The following ESRRG variants were observed in gnomAD, a reference collection of about 807,000 sequenced individuals.
ESRRG encodes the protein estrogen related receptor gamma.
Under a neutral mutation model 44.0 loss-of-function variants are expected in ESRRG, and 13 were observed. That is an observed-to-expected ratio of 0.30 (90% CI 0.19 to 0.47). ESRRG has a LOEUF of 0.47. Ranked by LOEUF, ESRRG falls within the 20% of genes least tolerant of loss-of-function variation. The pLI is 1.00. For synonymous variants in ESRRG, 215 were observed against 214.6 expected (o/e 1.00, Z -0.02); for missense variants, 395 against 580.6 (o/e 0.68, Z 3.29).
intron 1 of ESRRG, among the ~76,000 whole-genome samples, chr1:217,056,764 C>T (rs2087183674): frequency 1.3e-5 from 2 of 151,024 alleles, no homozygotes; most frequent in Admixed American, 1.3e-4. Context: ...TAAAACTAAA[C>T]TAGGAGACAA....
chr1:217,021,722 T>TTA (rs2150926781), intron 1 of ESRRG, among the ~76,000 whole-genome samples: 1 of 152,286 alleles, frequency 6.6e-6, no homozygotes, highest in South Asian at 2.1e-4. Context: ...TTGAGAACTG[T>TTA]TATATATAGT....
At chr1:216,828,364 G>C (rs2095431944) in intron 2 of ESRRG, among the ~76,000 whole-genome samples, 1 of 152,130 alleles carries the variant, frequency 6.6e-6, no homozygotes, top group Admixed American at 6.5e-5. Context: ...TGTTCGTTTG[G>C]TTGGTTAGTT....
intron 4 of ESRRG, among the ~76,000 whole-genome samples, chr1:216,566,414 TCACTGAAATTG>T (rs1263369411): frequency 6.6e-6 from 1 of 152,136 alleles, no homozygotes; most frequent in Non-Finnish European, 1.5e-5. Flanking sequence ...CAAATGGAGC[TCACTGAAATTG>T]CTGTAATCTT....
intron 1 of ESRRG, among the ~76,000 whole-genome samples, chr1:216,689,158 G>C (rs1026786901): frequency 6.6e-6 from 1 of 152,106 alleles, no homozygotes; most frequent in Non-Finnish European, 1.5e-5. Context: ...TAAAGATTTA[G>C]TGTTAAATGT....
At chr1:216,765,042 TC>T (rs2093005985) in intron 2 of ESRRG, among the ~76,000 whole-genome samples, 1 of 152,034 alleles carries the variant, frequency 6.6e-6, no homozygotes, top group Admixed American at 6.6e-5. Flanking sequence ...AGTATAAATA[TC>T]TTGTTCTTAC....
intron 1 of ESRRG, among the ~76,000 whole-genome samples, chr1:216,944,683 A>G (rs941432845): frequency 1.3e-5 from 2 of 152,226 alleles, no homozygotes; most frequent in Non-Finnish European, 2.9e-5. Flanking sequence ...TTACAAAGTC[A>G]TGACTAGAAG....
chr1:216,811,418 C>T (rs1307698955), intron 2 of ESRRG, among the ~76,000 whole-genome samples: 3 of 152,060 alleles, frequency 2.0e-5, no homozygotes, highest in Admixed American at 6.6e-5. Flanking sequence ...TTTAGGGAAA[C>T]ATAACAATGC....
chr1:216,727,000 T>G (rs1490034944), upstream of ESRRG, among the ~76,000 whole-genome samples: 1 of 152,236 alleles, frequency 6.6e-6, no homozygotes, highest in African/African-American at 2.4e-5. Flanking sequence ...TAGAAGGTGA[T>G]GAGAAATGCT....
chr1:216,755,532 G>A (rs1235487512), intron 2 of ESRRG, among the ~76,000 whole-genome samples: 1 of 151,966 alleles, frequency 6.6e-6, no homozygotes, highest in Non-Finnish European at 1.5e-5. Flanking sequence ...ATATTATACT[G>A]TGGTTGGTGA....
chr1:216,930,632 A>G (rs575762698), intron 2 of ESRRG, among the ~76,000 whole-genome samples: 1 of 152,304 alleles, frequency 6.6e-6, no homozygotes, highest in South Asian at 2.1e-4. Context: ...AGAAATTTCA[A>G]TCTAGTTAAG....
intron 1 of ESRRG, among the ~76,000 whole-genome samples, chr1:217,041,850 T>G (rs975878125): frequency 6.6e-6 from 1 of 152,230 alleles, no homozygotes; most frequent in African/African-American, 2.4e-5. Context: ...TAAATCTTGC[T>G]TTGGCATGCA....
intron 1 of ESRRG, among the ~76,000 whole-genome samples, chr1:217,003,672 T>G (rs1442215953): frequency 6.6e-6 from 1 of 150,658 alleles, no homozygotes; most frequent in Non-Finnish European, 1.5e-5. Flanking sequence ...CAGTAATTCA[T>G]TTGTTATTGG....
rs371051483 is a variant in ESRRG at position 216,648,405 on chromosome 1, A to G, written c.589+2568T>C. 1.6e-4 allele frequency among the ~76,000 whole-genome samples: 24 copies of G among 152,284 alleles called. No homozygotes were observed. The South Asian group carries it at 5.0e-3, about 32-fold the overall frequency. ...AAGGAAAATAAATTATTATTTGAGT[A>G]TATCAGCAACAGCAGCAATTCCCTA... On this transcript the variant is annotated intron_variant, in intron 3 of 6. Coordinates refer to ENST00000408911, the MANE Select transcript of ESRRG (RefSeq NM_001438.4).
At chr1:216,683,531 C>T (rs1380449328) in intron 1 of ESRRG, among the ~76,000 whole-genome samples, 1 of 152,158 alleles carries the variant, frequency 6.6e-6, no homozygotes, top group African/African-American at 2.4e-5. Flanking sequence ...AAAGCTGGTG[C>T]CTGAGTTGCT....
intron 2 of ESRRG, 126 bp downstream of exon 2, chr1:216,676,950 T>C (rs1051738184): frequency 6.1e-5 from 41 of 676,578 alleles, no homozygotes; most frequent in South Asian, 2.0e-5. Flanking sequence ...GTAATCTATT[T>C]CCATTTTCTA....
chr1:216,647,939 T>A (rs1184160642), intron 3 of ESRRG, among the ~76,000 whole-genome samples: 1 of 152,214 alleles, frequency 6.6e-6, no homozygotes, highest in East Asian at 1.9e-4. Context: ...TAAATAGATT[T>A]TGTCTGTCAA....
chr1:216,580,730 G>T (rs2062609171), intron 3 of ESRRG, among the ~76,000 whole-genome samples: 1 of 152,140 alleles, frequency 6.6e-6, no homozygotes, highest in Admixed American at 6.5e-5. Context: ...TTAAAAAGAT[G>T]GAATTGACCC....
chr1:216,999,374 A>G (rs999523581), intron 1 of ESRRG, among the ~76,000 whole-genome samples: 2 of 152,222 alleles, frequency 1.3e-5, no homozygotes, highest in South Asian at 2.1e-4. Flanking sequence ...AAGCACATAC[A>G]TGCTAGGAAC....
At chr1:216,853,314 C>T (rs2095868788) in intron 2 of ESRRG, among the ~76,000 whole-genome samples, 1 of 152,178 alleles carries the variant, frequency 6.6e-6, no homozygotes, top group South Asian at 2.1e-4. Context: ...TCACATGCTG[C>T]CAGTTCGCTC....
Sources: gnomAD v4.1 joint callset for allele counts (sites outside exome capture counted in the v4.1 genomes callset) on GRCh38, gnomAD v4.1.1 for gene constraint, MANE v1.5 for transcripts, NCBI Gene and HGNC (gene_info 2026-07-23, HGNC 2026-07-21) for gene names.